DPP10: variants seen among roughly 807,000 people sequenced by gnomAD.
The protein encoded by DPP10 is dipeptidyl peptidase like 10.
Under a neutral mutation model 120.9 loss-of-function variants are expected in DPP10, and 33 were observed. The ratio of observed to expected loss-of-function variants is 0.27; its 90% CI spans 0.21 to 0.37. DPP10 has a LOEUF of 0.37. DPP10 is among the 10% of genes least tolerant of loss of function. DPP10 has a pLI of 1.00. For synonymous variants in DPP10, 337 were observed against 326.1 expected, an observed-to-expected ratio of 1.03 and a Z score of -0.36; for missense variants, 816 against 942.8, an observed-to-expected ratio of 0.87 and a Z score of 1.76.
intron 7 of DPP10, among the ~76,000 whole-genome samples, chr2:115,690,790 G>A (rs533751837): frequency 1.7e-4 from 26 of 152,234 alleles, no homozygotes; most frequent in Admixed American, 4.6e-4. Context: ...TCAGGGAGTA[G>A]TATTGCTTAC....
intron 3 of DPP10, among the ~76,000 whole-genome samples, chr2:115,382,593 G>A (rs2066485003): frequency 6.6e-6 from 1 of 151,996 alleles, no homozygotes; most frequent in African/African-American, 2.4e-5. Context: ...TCTTTCCAGT[G>A]CTATCTCTGT....
chr2:115,204,202 G>T (rs1254088309), intron 1 of DPP10, among the ~76,000 whole-genome samples: 1 of 151,992 alleles, frequency 6.6e-6, no homozygotes, highest in African/African-American at 2.4e-5. Flanking sequence ...GCAAAAACTG[G>T]GCCCTCTTAA....
intron 3 of DPP10, among the ~76,000 whole-genome samples, chr2:115,350,895 G>GA (rs1402534793): frequency 2.6e-5 from 4 of 152,064 alleles, no homozygotes; most frequent in Non-Finnish European, 2.9e-5. Flanking sequence ...AGGCTGTGGA[G>GA]AAAAGAGAAT....
intron 5 of DPP10, among the ~76,000 whole-genome samples, chr2:115,548,621 A>T (rs2079663581): frequency 6.6e-6 from 1 of 152,162 alleles, no homozygotes; most frequent in Non-Finnish European, 1.5e-5. Flanking sequence ...AGAAAAAGAT[A>T]CAGTTCCTTG....
chr2:114,486,963 G>C (rs185356373), intron 1 of DPP10, among the ~76,000 whole-genome samples: 19 of 152,150 alleles, frequency 1.2e-4, no homozygotes, highest in African/African-American at 4.1e-4. Context: ...AATTTTACAT[G>C]TTGCAATTTA....
chr2:115,440,680 T>C (rs1375370099), intron 3 of DPP10, among the ~76,000 whole-genome samples: 1 of 150,618 alleles, frequency 6.6e-6, no homozygotes, highest in African/African-American at 2.4e-5. Flanking sequence ...AGTAAAAACA[T>C]GCAAGAATCA....
chr2:114,581,173 CTTTTTTTTTTTTTTT>C (rs70937291), intron 1 of DPP10, among the ~76,000 whole-genome samples: 2 of 77,892 alleles, frequency 2.6e-5, no homozygotes, highest in Non-Finnish European at 4.6e-5. Context: ...TTTTTCTTCT[CTTTTTTTTTTTTTTT>C]TTTTTTTTTT....
At chr2:115,510,688 C>G (rs901812968) in intron 4 of DPP10, among the ~76,000 whole-genome samples, 7 of 152,018 alleles carry the variant, frequency 4.6e-5, no homozygotes, top group African/African-American at 1.7e-4. Context: ...TCAAAAGAAG[C>G]TAAGACTTTT....
intron 1 of DPP10, among the ~76,000 whole-genome samples, chr2:115,202,793 A>G (rs1260186674): frequency 6.6e-6 from 1 of 152,194 alleles, no homozygotes; most frequent in Non-Finnish European, 1.5e-5. Context: ...GATTTCATCA[A>G]TTTTTAACTA....
intron 1 of DPP10, among the ~76,000 whole-genome samples, chr2:114,455,560 T>A (rs113993104): frequency 5.5e-5 from 8 of 145,276 alleles, no homozygotes; most frequent in Non-Finnish European, 7.5e-5. Context: ...AAAAAAAAAA[T>A]GTAAATACAG....
chr2:114,935,961 C>T (rs998907986), intron 1 of DPP10, among the ~76,000 whole-genome samples: 2 of 151,298 alleles, frequency 1.3e-5, no homozygotes, highest in African/African-American at 4.9e-5. Flanking sequence ...TTACATCTTT[C>T]TGTGACATTT....
chr2:114,456,320 T>C (rs1327511534), intron 1 of DPP10, among the ~76,000 whole-genome samples: 1 of 152,048 alleles, frequency 6.6e-6, no homozygotes, highest in African/African-American at 2.4e-5. Context: ...TATTGAGGAG[T>C]AAGGACAAGT....
intron 5 of DPP10, among the ~76,000 whole-genome samples, chr2:115,666,283 C>T (rs953821010): frequency 2.0e-4 from 31 of 152,218 alleles, no homozygotes; most frequent in African/African-American, 7.5e-4. Context: ...GGAGAGTTCT[C>T]AGGAAACTTA....
chr2:115,546,504 C>A (rs2079512173), intron 5 of DPP10, among the ~76,000 whole-genome samples: 1 of 151,900 alleles, frequency 6.6e-6, no homozygotes, highest in Non-Finnish European at 1.5e-5. Context: ...TTATATCTAC[C>A]AATTTTTCTC....
intron 1 of DPP10, among the ~76,000 whole-genome samples, chr2:114,530,450 G>T (rs1041844415): frequency 8.5e-5 from 13 of 152,156 alleles, no homozygotes; most frequent in Non-Finnish European, 1.3e-4. Context: ...CGAAATATCT[G>T]TTGGGAGTTA....
chr2:115,274,280 A>G (rs1020794002), intron 1 of DPP10, among the ~76,000 whole-genome samples: 1 of 152,148 alleles, frequency 6.6e-6, no homozygotes, highest in Admixed American at 6.5e-5. Context: ...TGAAAACTTT[A>G]CTATTATGAA....
intron 3 of DPP10, among the ~76,000 whole-genome samples, chr2:115,360,017 T>A (rs1478080290): frequency 5.9e-5 from 9 of 152,220 alleles, no homozygotes; most frequent in Non-Finnish European, 4.4e-5. Flanking sequence ...TGGATTATTT[T>A]ACTGCTGTCT....
chr2:114,740,341 A>G (rs1486726686), intron 1 of DPP10, among the ~76,000 whole-genome samples: 3 of 120,410 alleles, frequency 2.5e-5, no homozygotes, highest in Admixed American at 1.0e-4. Context: ...GGAACATCAC[A>G]CTCTGGGGAC....
chr2:115,362,363 A>G (rs1466801116), intron 3 of DPP10, among the ~76,000 whole-genome samples: 3 of 152,204 alleles, frequency 2.0e-5, no homozygotes, highest in Non-Finnish European at 4.4e-5. Context: ...ACTTAGGTAG[A>G]TATATGCTTA....
Sources: allele counts gnomAD v4.1 joint callset (sites outside exome capture counted in the v4.1 genomes callset), GRCh38; gene constraint gnomAD v4.1.1; transcripts MANE v1.5; gene names NCBI Gene and HGNC (gene_info 2026-07-23, HGNC 2026-07-21).